The following HOXA3 variants were observed in gnomAD, a reference collection of about 807,000 sequenced individuals.
HOXA3 encodes the protein homeobox A3.
In HOXA3, 8 loss-of-function variants were observed where a neutral mutation model predicts 30.3. The observed-to-expected ratio is 0.26, with a 90% confidence interval of 0.15 to 0.48. The LOEUF (loss-of-function observed/expected upper bound fraction) is 0.48. Among genes scored for constraint, HOXA3 ranks in the 20% least tolerant of loss-of-function variants. The probability of loss-of-function intolerance (pLI) is 0.99; values close to 1 mark genes in which losing one functional copy is unlikely to be tolerated. For missense variants in HOXA3, 653 were observed against 614.4 expected, an observed-to-expected ratio of 1.06 and a Z score of -0.66; for synonymous variants, 323 against 273.1, an observed-to-expected ratio of 1.18 and a Z score of -1.80.
intron 4 of HOXA3, among the ~76,000 whole-genome samples, chr7:27,111,398 C>T (rs549033552): frequency 6.6e-6 from 1 of 152,104 alleles, no homozygotes; most frequent in African/African-American, 2.4e-5. Context: ...GTTAATCCAC[C>T]TTGTTGGGGA....
intron 4 of HOXA3, chr7:27,116,097 C>T (rs1367711465): frequency 6.6e-6 from 1 of 152,656 alleles, no homozygotes; most frequent in Admixed American, 6.5e-5. Flanking sequence ...GCAGTTCACC[C>T]GGCTCCCCCA....
chr7:27,146,503 A>C (rs572253234), intron 1 of HOXA3, among the ~76,000 whole-genome samples: 45 of 152,306 alleles, frequency 3.0e-4, no homozygotes, highest in African/African-American at 1.1e-3. Flanking sequence ...AAAACATTAT[A>C]ATTTTAACAA....
intron 1 of HOXA3, chr7:27,143,591 A>G: frequency 1.3e-6 from 2 of 1,597,662 alleles, no homozygotes; most frequent in Non-Finnish European, 1.7e-6. Flanking sequence ...AAATGAGTTT[A>G]CAAAATAAGA....
chr7:27,143,086 G>T, intron 1 of HOXA3: 1 of 1,556,978 alleles, frequency 6.4e-7, no homozygotes, highest in Non-Finnish European at 8.6e-7. Flanking sequence ...GGTAGATCTG[G>T]GGTTGGGCGG....
intron 3 of HOXA3, chr7:27,123,105 G>T (rs1481708808): frequency 1.3e-5 from 2 of 152,190 alleles, no homozygotes; most frequent in African/African-American, 2.4e-5. Context: ...TTCAATCACG[G>T]ACTCTCCTGA....
chr7:27,119,158 C>CAACAAA (rs1784887741), intron 4 of HOXA3, among the ~76,000 whole-genome samples: 1 of 84,686 alleles, frequency 1.2e-5, no homozygotes, highest in African/African-American at 4.5e-5. Flanking sequence ...CCCCCCCCCC[C>CAACAAA]AAAAAAAATA....
In HOXA3 at chr7:27,108,584, C is replaced by A. The variant is rs1236966022; in HGVS notation, c.663G>T (p.Arg221=). 3.1e-6 allele frequency: 5 copies of A among 1,614,062 alleles called. No homozygotes were observed. The highest frequency in any genetic ancestry group is 4.2e-6 in the Non-Finnish European group (5 of 1,180,026). ...GGTTCAGCAGATTGGCCATCTCCAC[C>A]CGGCGCGGCCGGCACAGGTAGCGGT... The part of the protein sequence containing the change: ...HFNRYLCRPR[R]VEMANLLNLT... The change falls in exon 6 of 6, where the codon CGG becomes CGT. Residue 221 remains arginine (R), a synonymous_variant. Transcript: ENST00000612286. The surrounding 1 kb of genome is among the most constrained non-coding windows in gnomAD (Gnocchi z 5.0).
rs552139491 is a variant in HOXA3, at chr7:27,138,194, A to G, written c.-390+1889T>C. 1.1e-4 allele frequency among the ~76,000 whole-genome samples: 17 copies of G among 152,280 alleles called. No homozygotes were observed. The East Asian group carries it at 2.1e-3, about 19-fold the overall frequency. ...CATCTTCTTGAATGCTGAAATACCA[A>G]TGTTTACTTTAATAGGTTACACACA... On this transcript the variant is annotated intron_variant, in intron 2 of 5. Coordinates refer to ENST00000612286, the MANE Select transcript of HOXA3 (RefSeq NM_153631.3).
At chr7:27,143,702 G>A in intron 1 of HOXA3, 1 of 1,483,796 alleles carries the variant, frequency 6.7e-7, no homozygotes, top group Non-Finnish European at 9.0e-7. Flanking sequence ...GGAAATGACT[G>A]GGACATGTAC....
rs868094493 is a variant in HOXA3 at position 27,149,228 on chromosome 7, A to G, written c.-494+3060T>C. ...ATAGCAGCCCAATGGCATTTTTACA[A>G]CTGTGTTTGTTGGGCTTGTAAAACC... On this transcript the variant is annotated intron_variant, in intron 1 of 5. Coordinates refer to ENST00000612286, the MANE Select transcript of HOXA3 (RefSeq NM_153631.3). Among the ~76,000 whole-genome samples, 67 of 152,230 alleles carry G rather than the reference A, an allele frequency of 4.4e-4. 1 individual carries two copies. Among genetic ancestry groups the G allele is most frequent in the African/African-American group, 1.5e-3 (63 of 41,470 alleles).
intron 4 of HOXA3, chr7:27,115,766 T>A (rs962128117): frequency 6.6e-6 from 1 of 152,264 alleles, no homozygotes; most frequent in African/African-American, 2.4e-5. Flanking sequence ...CCAGGGCCTC[T>A]ATCCGCCCCG....
intron 1 of HOXA3, chr7:27,141,738 T>C: frequency 2.0e-6 from 3 of 1,464,430 alleles, no homozygotes; most frequent in Non-Finnish European, 2.8e-6. Context: ...CAGGGCTTCT[T>C]CACAGAAGGA....
chr7:27,148,363 C>T (rs899927425), intron 1 of HOXA3, among the ~76,000 whole-genome samples: 3 of 152,248 alleles, frequency 2.0e-5, no homozygotes, highest in Non-Finnish European at 2.9e-5. Flanking sequence ...AGAAACCAGG[C>T]CTTCACTCTA....
intron 1 of HOXA3, chr7:27,142,014 T>C: frequency 6.2e-7 from 1 of 1,614,220 alleles, no homozygotes; most frequent in Middle Eastern, 1.6e-4. Flanking sequence ...TGGAACTCCT[T>C]CTCCAGCTCC....
chr7:27,129,318 AG>A (rs1226345817), intron 2 of HOXA3: 12 of 1,614,168 alleles, frequency 7.4e-6, no homozygotes, highest in Non-Finnish European at 1.0e-5. Flanking sequence ...GTGGGCCGGC[AG>A]AGGCCGAGGC....
rs564631010 is a variant in HOXA3 at position 27,144,618 on chromosome 7, A to T, written c.-493-4432T>A. ...GAGTGGGCCCAGGCTCCCTGCAGCC[A>T]CAGAGGCTGCCTGGGGTCTGGGGAT... On this transcript the variant is annotated intron_variant, in intron 1 of 5. Transcript: ENST00000612286. Among the ~76,000 whole-genome samples, 118 of 152,278 alleles carry T rather than the reference A, an allele frequency of 7.7e-4. 1 individual carries two copies. The South Asian group carries it at 0.02, about 26-fold the overall frequency.
intron 2 of HOXA3, chr7:27,130,374 C>T (rs1374255975): frequency 2.6e-6 from 3 of 1,144,564 alleles, no homozygotes; most frequent in African/African-American, 3.3e-5. Flanking sequence ...TGGCTTGCGC[C>T]GGGGGCTGCT....
intron 3 of HOXA3, among the ~76,000 whole-genome samples, chr7:27,125,791 A>G (rs1398058194): frequency 2.0e-5 from 3 of 152,148 alleles, no homozygotes; most frequent in African/African-American, 7.2e-5. Flanking sequence ...CTTCTCTTTC[A>G]TTCTAAAGAG....
intron 3 of HOXA3, among the ~76,000 whole-genome samples, chr7:27,125,244 G>T (rs1355297862): frequency 6.6e-6 from 1 of 152,214 alleles, no homozygotes; most frequent in Admixed American, 6.5e-5. Context: ...GGTGGAGGGA[G>T]GATCATTCGG....
Sources: allele counts gnomAD v4.1 joint callset (sites outside exome capture counted in the v4.1 genomes callset), GRCh38; gene constraint gnomAD v4.1.1; non-coding constraint Gnocchi (gnomAD v3.1); transcripts MANE v1.5; gene names NCBI Gene and HGNC (gene_info 2026-07-23, HGNC 2026-07-21).